Variants in ASTN2 observed in about 807,000 individuals in gnomAD.
ASTN2 encodes astrotactin-2.
ASTN2 carries 54 observed loss-of-function variants against 139.8 expected under a neutral mutation model. That is an observed-to-expected ratio of 0.39 (90% confidence interval 0.31 to 0.48). The LOEUF (loss-of-function observed/expected upper bound fraction) is 0.48. Among genes scored for constraint, ASTN2 ranks in the 20% least tolerant of loss-of-function variants. ASTN2 has a pLI of 0.95. For missense variants in ASTN2, 1,565 were observed against 1,725.1 expected (o/e 0.91, Z 1.64); for synonymous variants, 756 against 719.5 (o/e 1.05, Z -0.81).
At chr9:116,564,000 A>G (rs1853056909) in intron 19 of ASTN2, among the ~76,000 whole-genome samples, 1 of 152,242 alleles carries the variant, frequency 6.6e-6, no homozygotes. Flanking sequence ...AAGCATTTAT[A>G]TACCATAAAC....
intron 13 of ASTN2, among the ~76,000 whole-genome samples, chr9:116,770,367 T>A (rs759187694): frequency 6.6e-6 from 1 of 152,088 alleles, no homozygotes; most frequent in Non-Finnish European, 1.5e-5. Context: ...TACAGGACAA[T>A]GATTATAGCA....
At chr9:117,129,382 A>T (rs1032707541) in intron 4 of ASTN2, among the ~76,000 whole-genome samples, 1 of 152,232 alleles carries the variant, frequency 6.6e-6, no homozygotes, top group African/African-American at 2.4e-5. Flanking sequence ...ATAAAAATTA[A>T]ACTACATCTA....
intron 1 of ASTN2, among the ~76,000 whole-genome samples, chr9:117,312,107 A>G (rs947695442): frequency 2.6e-5 from 4 of 152,218 alleles, no homozygotes; most frequent in African/African-American, 7.2e-5. Flanking sequence ...ACACTAAAGC[A>G]CTAGACACAT....
chr9:117,151,995 G>T (rs377761499), intron 3 of ASTN2, among the ~76,000 whole-genome samples: 1 of 152,072 alleles, frequency 6.6e-6, no homozygotes. Context: ...ACTTGGGCTT[G>T]AGCCTTCATT....
intron 11 of ASTN2, among the ~76,000 whole-genome samples, chr9:116,845,498 A>T (rs1030895422): frequency 6.6e-6 from 1 of 152,234 alleles, no homozygotes; most frequent in African/African-American, 2.4e-5. Flanking sequence ...GAGAAAAGTC[A>T]TAGTTCAAAA....
At chr9:117,180,418 T>C (rs781680074) in intron 3 of ASTN2, among the ~76,000 whole-genome samples, 14 of 152,192 alleles carry the variant, frequency 9.2e-5, no homozygotes, top group Non-Finnish European at 1.5e-4. Context: ...CCCTTGCCCC[T>C]GGGTTCACTG....
intron 20 of ASTN2, among the ~76,000 whole-genome samples, chr9:116,454,907 A>G (rs545126607): frequency 6.6e-6 from 1 of 152,224 alleles, no homozygotes; most frequent in Admixed American, 6.5e-5. Flanking sequence ...GGGAAGAGGG[A>G]GGGATAGCAT....
intron 4 of ASTN2, among the ~76,000 whole-genome samples, chr9:117,134,571 C>T (rs1588001655): frequency 6.6e-6 from 1 of 151,886 alleles, no homozygotes; most frequent in South Asian, 2.1e-4. Flanking sequence ...CAGATATTCC[C>T]GTTACCCCCT....
intron 1 of ASTN2, among the ~76,000 whole-genome samples, chr9:117,330,014 C>T (rs896393315): frequency 3.9e-5 from 6 of 152,148 alleles, no homozygotes; most frequent in Non-Finnish European, 8.8e-5. Flanking sequence ...GCCAAGGTCA[C>T]CAGTAACTGG....
At chr9:117,018,499 T>C (rs1837780863) in intron 6 of ASTN2, among the ~76,000 whole-genome samples, 1 of 152,182 alleles carries the variant, frequency 6.6e-6, no homozygotes, top group African/African-American at 2.4e-5. Context: ...GGCACCTGCC[T>C]GCTTGTGTCT....
intron 19 of ASTN2, among the ~76,000 whole-genome samples, chr9:116,573,799 C>G (rs1474791059): frequency 6.6e-6 from 1 of 152,184 alleles, no homozygotes; most frequent in Non-Finnish European, 1.5e-5. Flanking sequence ...GACAGCAACA[C>G]TCAATACCAG....
chr9:116,805,761 A>C lies in ASTN2; in HGVS notation c.2267T>G (p.Val756Gly). Residue 756 changes from valine to glycine, a missense_variant, in exon 13 of 23, where the codon GTC becomes GGC. This residue lies in a region of ASTN2 where 503 missense variants were observed against 591.7 expected (regional missense o/e 0.85). Transcript: ENST00000313400. ...DGKSCLMLSDVCEGPKCLKPD... is the reference protein window; with the variant it reads ...DGKSCLMLSDGCEGPKCLKPD... ...TTTGAGGCACTTGGGGCCCTCGCAG[A>C]CATCTGAGAGCATTAAGCAGGATTT... The C allele has an allele frequency of 6.2e-7, 1 of 1,613,968 alleles. No homozygotes were observed. The highest frequency in any genetic ancestry group is 8.5e-7 in the Non-Finnish European group (1 of 1,179,858).
At chr9:116,791,574 G>C (rs1001463496) in intron 13 of ASTN2, among the ~76,000 whole-genome samples, 11 of 152,354 alleles carry the variant, frequency 7.2e-5, no homozygotes, top group Admixed American at 3.9e-4. Flanking sequence ...ACTGCCTGGA[G>C]TCACTTTGGA....
Position 117,268,169 on chromosome 9 carries a change from T to C in ASTN2, c.630+23157A>G, listed in dbSNP as rs543642406. On this transcript the variant is annotated intron_variant, in intron 2 of 22. Coordinates refer to ENST00000313400, the MANE Select transcript of ASTN2 (RefSeq NM_001365068.1). Reference sequence around the variant, plus strand: ...ACACTGTTATTTTCCTCTTTCCCTCTCTTGTCCATTAGCTTTCTGTGGGTA... The same window carrying C: ...ACACTGTTATTTTCCTCTTTCCCTCCCTTGTCCATTAGCTTTCTGTGGGTA... Among the ~76,000 whole-genome samples, 22 of 152,340 alleles carry C rather than the reference T, an allele frequency of 1.4e-4. No individual in the cohort carries two copies. The South Asian group carries it at 1.5e-3, about 10-fold the overall frequency.
chr9:116,881,449 G>C (rs967429709), intron 10 of ASTN2, among the ~76,000 whole-genome samples: 1 of 152,194 alleles, frequency 6.6e-6, no homozygotes, highest in African/African-American at 2.4e-5. Flanking sequence ...CTCACTGTGT[G>C]ACCTCTTGAA....
intron 12 of ASTN2, among the ~76,000 whole-genome samples, chr9:116,811,646 C>T (rs1831170822): frequency 6.6e-6 from 1 of 152,110 alleles, no homozygotes; most frequent in South Asian, 2.1e-4. Context: ...GCTTTGGTGT[C>T]ATAATCTATT....
intron 19 of ASTN2, among the ~76,000 whole-genome samples, chr9:116,596,282 C>A (rs543710771): frequency 6.2e-4 from 95 of 152,212 alleles, no homozygotes; most frequent in African/African-American, 2.2e-3. Context: ...GCTGGGAATG[C>A]GGAAACAAGG....
chr9:116,445,938 C>A (rs1847974441), intron 20 of ASTN2, among the ~76,000 whole-genome samples: 1 of 152,182 alleles, frequency 6.6e-6, no homozygotes, highest in Admixed American at 6.5e-5. Flanking sequence ...GTCAACCTCA[C>A]AGTGCTGGGT....
intron 19 of ASTN2, among the ~76,000 whole-genome samples, chr9:116,522,286 T>C (rs1850909282): frequency 6.6e-6 from 1 of 152,028 alleles, no homozygotes; most frequent in South Asian, 2.1e-4. Flanking sequence ...AATCAATAAG[T>C]GGATAAAGAA....
Sources: allele counts gnomAD v4.1 joint callset (sites outside exome capture counted in the v4.1 genomes callset), GRCh38; gene constraint gnomAD v4.1.1; regional missense constraint gnomAD v4.1.1; transcripts MANE v1.5; gene names NCBI Gene and HGNC (gene_info 2026-07-23, HGNC 2026-07-21).